Variants in HIVEP3 observed in about 807,000 individuals in gnomAD.
HIVEP3 encodes the protein transcription factor HIVEP3.
A neutral mutation model predicts 152.8 loss-of-function variants in HIVEP3; 49 were observed. The observed-to-expected ratio is 0.32, with a 90% CI of 0.26 to 0.41. The LOEUF is 0.41. HIVEP3 is among the 10% of genes least tolerant of loss of function. The pLI is 1.00. For missense variants in HIVEP3, 2,790 were observed against 3,103.3 expected (o/e 0.90, Z 2.40); for synonymous variants, 1,269 against 1,289.0 (o/e 0.98, Z 0.33).
At chr1:41,869,542 C>T (rs1225681573) in intron 1 of HIVEP3, 2 of 152,248 alleles carry the variant, frequency 1.3e-5, no homozygotes, top group African/African-American at 2.4e-5. Flanking sequence ...AAGTACGAAA[C>T]TCACATTCAA....
intron 1 of HIVEP3, among the ~76,000 whole-genome samples, chr1:41,976,459 T>C (rs1321917611): frequency 6.6e-6 from 1 of 152,244 alleles, no homozygotes; most frequent in Non-Finnish European, 1.5e-5. Flanking sequence ...CCGTCTGTTC[T>C]AATTCTGCCT....
intron 5 of HIVEP3, among the ~76,000 whole-genome samples, chr1:41,552,773 G>A (rs1643910148): frequency 6.6e-6 from 1 of 152,170 alleles, no homozygotes; most frequent in African/African-American, 2.4e-5. Context: ...TCTAGTTCTA[G>A]ATCCCTGAAC....
intron 1 of HIVEP3, among the ~76,000 whole-genome samples, chr1:41,755,397 A>G (rs1291967892): frequency 1.3e-5 from 2 of 152,220 alleles, no homozygotes; most frequent in Non-Finnish European, 2.9e-5. Flanking sequence ...AGCCCAGTGA[A>G]GAGTCTTTAG....
chr1:41,822,215 A>G (rs1642627046), intron 1 of HIVEP3, among the ~76,000 whole-genome samples: 2 of 152,182 alleles, frequency 1.3e-5, no homozygotes, highest in South Asian at 4.2e-4. Context: ...CTCTCTCCCT[A>G]TGTTGCCTCT....
chr1:41,828,471 C>A (rs974928146), intron 1 of HIVEP3, among the ~76,000 whole-genome samples: 12 of 152,168 alleles, frequency 7.9e-5, no homozygotes, highest in Non-Finnish European at 1.5e-4. Flanking sequence ...AAAATATGAC[C>A]CCCTCCTTTA....
intron 1 of HIVEP3, among the ~76,000 whole-genome samples, chr1:42,013,126 C>T (rs1217590424): frequency 6.6e-6 from 1 of 152,174 alleles, no homozygotes; most frequent in African/African-American, 2.4e-5. Flanking sequence ...TGTTCTAGGC[C>T]TCTCTCCTTG....
chr1:41,612,720 G>T lies in HIVEP3; in HGVS notation c.-522+16029C>A, dbSNP rs192500353. Among the ~76,000 whole-genome samples the T allele has an allele frequency of 3.6e-4, 55 of 152,276 alleles. 1 individual carries two copies. The highest frequency in any genetic ancestry group is 4.4e-5 in the Non-Finnish European group (3 of 68,022). ...GACAAATACGGTATCCTGAACTCAG[G>T]GGACCAGGAGGGTTTGCTGGCTTAA... On this transcript the variant is annotated intron_variant, in intron 3 of 8. Transcript: ENST00000372583.
chr1:41,747,887 C>T (rs2124217874), intron 1 of HIVEP3, among the ~76,000 whole-genome samples: 1 of 152,250 alleles, frequency 6.6e-6, no homozygotes, highest in East Asian at 1.9e-4. Context: ...TAAAAGGATA[C>T]CATTCCCTTT....
In HIVEP3 at chr1:41,510,629, G is replaced by A. The variant is rs543298786; in HGVS notation, c.7043C>T (p.Pro2348Leu). 564 of 1,545,304 alleles carry A rather than the reference G, an allele frequency of 3.6e-4. 8 individuals carry two copies. In the South Asian group the frequency reaches 4.9e-3, roughly 13 times the overall value. The change falls in exon 9 of 9, where the codon CCG becomes CTG. Residue 2348 changes from proline (P) to leucine (L), a missense_variant. Pro to Leu is a moderately conservative substitution (Grantham distance 98). Transcript: ENST00000372583. ...PTNPEPSATP[P>L]LDRSSSVGCL... Reference sequence around the variant, plus strand: ...GCCCACAGAGCTGCTGCGGTCCAGCGGCGGGGTGGCAGAAGGCTCGGGGTT... The same window carrying A: ...GCCCACAGAGCTGCTGCGGTCCAGCAGCGGGGTGGCAGAAGGCTCGGGGTT...
chr1:41,941,392 A>G (rs1197812563), intron 1 of HIVEP3, among the ~76,000 whole-genome samples: 3 of 152,234 alleles, frequency 2.0e-5, no homozygotes, highest in Admixed American at 1.3e-4. Flanking sequence ...ACACATAGGA[A>G]GAGTGGTCTA....
At chr1:41,771,017 T>C (rs1462108795) in intron 1 of HIVEP3, among the ~76,000 whole-genome samples, 1 of 152,086 alleles carries the variant, frequency 6.6e-6, no homozygotes. Flanking sequence ...TCACAATGGT[T>C]TGTGGCCCTC....
At chr1:41,906,052 G>T (rs1434668784) in intron 1 of HIVEP3, among the ~76,000 whole-genome samples, 1 of 152,210 alleles carries the variant, frequency 6.6e-6, no homozygotes, top group Admixed American at 6.5e-5. Context: ...GCTCACGCCT[G>T]TAATCCCAGC....
intron 1 of HIVEP3, among the ~76,000 whole-genome samples, chr1:41,735,264 T>C (rs769433194): frequency 6.6e-5 from 10 of 152,232 alleles, no homozygotes; most frequent in Non-Finnish European, 1.2e-4. Context: ...GATCTCTTCC[T>C]ACGTAAGGGC....
chr1:41,573,319 T>C (rs924472462), intron 5 of HIVEP3, among the ~76,000 whole-genome samples: 3 of 152,242 alleles, frequency 2.0e-5, no homozygotes, highest in Non-Finnish European at 2.9e-5. Context: ...GAAATGCCAG[T>C]TATGTGGCAA....
intron 3 of HIVEP3, among the ~76,000 whole-genome samples, chr1:41,619,622 TGGCTGG>T (rs1645018006): frequency 6.6e-6 from 1 of 152,118 alleles, no homozygotes; most frequent in Admixed American, 6.5e-5. Flanking sequence ...ATGGTGATGG[TGGCTGG>T]GGTGTCACCT....
At chr1:41,681,665 C>A (rs1282297910) in intron 2 of HIVEP3, among the ~76,000 whole-genome samples, 1 of 152,184 alleles carries the variant, frequency 6.6e-6, no homozygotes, top group African/African-American at 2.4e-5. Context: ...GCTGGCCTGG[C>A]CCCTCTCTCC....
At chr1:41,942,044 G>C (rs1645048647) in intron 1 of HIVEP3, among the ~76,000 whole-genome samples, 2 of 152,150 alleles carry the variant, frequency 1.3e-5, no homozygotes, top group Admixed American at 1.3e-4. Flanking sequence ...GAAAAAGGGA[G>C]GAAGGACATG....
At chr1:41,950,805 T>A (rs1020060641) in intron 1 of HIVEP3, among the ~76,000 whole-genome samples, 3 of 152,232 alleles carry the variant, frequency 2.0e-5, no homozygotes, top group South Asian at 2.1e-4. Flanking sequence ...ACTTAAAGAC[T>A]ATTGATTTAA....
intron 1 of HIVEP3, among the ~76,000 whole-genome samples, chr1:41,772,369 C>G (rs1235655023): frequency 6.6e-6 from 1 of 152,142 alleles, no homozygotes. Context: ...GCATGACAGG[C>G]ACATTTCCAC....
Sources: gnomAD v4.1 joint callset for allele counts (sites outside exome capture counted in the v4.1 genomes callset) on GRCh38, gnomAD v4.1.1 for gene constraint, MANE v1.5 for transcripts, NCBI Gene and HGNC (gene_info 2026-07-23, HGNC 2026-07-21) for gene names.